The following DENND2C variants were observed in gnomAD, a reference collection of about 807,000 sequenced individuals.
The protein encoded by DENND2C is DENN domain-containing protein 2C.
In DENND2C, 72 loss-of-function variants were observed where a neutral mutation model predicts 112.4. The observed-to-expected ratio is 0.64, with a 90% CI of 0.53 to 0.78. DENND2C has a LOEUF of 0.78. DENND2C is among the 30% of genes least tolerant of loss of function. The pLI is 0.00. For missense variants in DENND2C, 992 were observed against 1,113.8 expected (o/e 0.89, Z 1.56); for synonymous variants, 329 against 381.6 (o/e 0.86, Z 1.61).
intron 15 of DENND2C, 61 bp downstream of exon 15, chr1:114,600,143 T>C: frequency 6.4e-7 from 1 of 1,552,380 alleles, no homozygotes; most frequent in East Asian, 2.3e-5. Flanking sequence ...AATGCCCCAA[T>C]TTTAAAATTT....
intron 3 of DENND2C, among the ~76,000 whole-genome samples, chr1:114,642,856 T>C (rs982630460): frequency 2.0e-5 from 3 of 152,238 alleles, no homozygotes; most frequent in African/African-American, 7.2e-5. Context: ...ACAGGTACTA[T>C]AAATTTCTCT....
rs751285039 is a variant in DENND2C at position 114,599,266 on chromosome 1, T to C, written c.2283+8A>G. 5 of 1,590,120 alleles carry C rather than the reference T, an allele frequency of 3.1e-6. No homozygotes were observed. The South Asian group carries it at 5.8e-5, about 18-fold the overall frequency. On this transcript the variant is annotated splice_region_variant and intron_variant, in intron 16 of 20. Coordinates refer to ENST00000393274, the MANE Select transcript of DENND2C (RefSeq NM_001256404.2). ...GCTCCAATATTAGGTTCCATTCTTC[T>C]ATCTCACCTCTTCAATGGGTAGGTC... is the stretch of plus-strand genomic sequence containing the variant.
At chr1:114,644,601 T>C (rs1252172940) in intron 3 of DENND2C, among the ~76,000 whole-genome samples, 2 of 152,144 alleles carry the variant, frequency 1.3e-5, no homozygotes, top group Non-Finnish European at 2.9e-5. Flanking sequence ...TTTAAATAAT[T>C]CACACCACAA....
At chr1:114,638,373 G>C (rs142554549) in intron 3 of DENND2C, among the ~76,000 whole-genome samples, 2 of 152,100 alleles carry the variant, frequency 1.3e-5, no homozygotes, top group Non-Finnish European at 2.9e-5. Context: ...AGATGTCTTA[G>C]GACACAAAAC....
chr1:114,615,064 T>C lies in DENND2C; in HGVS notation c.1324+3322A>G, dbSNP rs1024910977. Among the ~76,000 whole-genome samples, 6 of 152,022 alleles carry C rather than the reference T, an allele frequency of 3.9e-5. No homozygotes were observed. In the South Asian group the frequency reaches 1.2e-3, roughly 32 times the overall value. Reference sequence around the variant, plus strand: ...AGTTATGAATAGACTGCTGTTAATCTGAGAAAATGTTAATGTTTTACAAGC... The same window carrying C: ...AGTTATGAATAGACTGCTGTTAATCCGAGAAAATGTTAATGTTTTACAAGC... On this transcript the variant is annotated intron_variant, in intron 8 of 20. Transcript: ENST00000393274.
chr1:114,618,558 G>A, intron 7 of DENND2C, 76 bp from the exon 8 acceptor site: 1 of 819,950 alleles, frequency 1.2e-6, no homozygotes, highest in Non-Finnish European at 1.8e-6. Context: ...TAATCTATTA[G>A]GGATTCTTAT....
Position 114,583,794 on chromosome 1 carries a change from C to G in DENND2C, c.*1806G>C, listed in dbSNP as rs60576253. On this transcript the variant is annotated 3_prime_UTR_variant, in exon 21 of 21. Transcript: ENST00000393274. ...TGCACTCCAGCCTGGGCAAAAAGAG[C>G]GAAACTCCATCTCAAAAAAAAAAAA... 2.5e-5 allele frequency: 3 copies of G among 120,340 alleles called. No homozygotes were observed. The highest frequency in any genetic ancestry group is 5.1e-5 in the Non-Finnish European group (3 of 59,316). The allele number at this position is 120,340 out of a possible 1,614,324, so 7.5% of individuals were successfully genotyped here. A position where few individuals can be genotyped will look rare whatever the true frequency, so the allele number is the denominator to read the frequency against.
chr1:114,622,800 A>C (rs1421326466), intron 6 of DENND2C, among the ~76,000 whole-genome samples, 187 bp downstream of exon 6: 3 of 151,156 alleles, frequency 2.0e-5, no homozygotes, highest in East Asian at 1.9e-4. Flanking sequence ...TTAAAACAAC[A>C]ACCAAAAAAA....
chr1:114,669,826 G>C (rs1006546071), intron 1 of DENND2C, among the ~76,000 whole-genome samples, 157 bp downstream of exon 1: 15 of 152,016 alleles, frequency 9.9e-5, no homozygotes, highest in Non-Finnish European at 1.8e-4. Flanking sequence ...AGCGGGGCGC[G>C]GAGACACCAC....
intron 16 of DENND2C, among the ~76,000 whole-genome samples, chr1:114,597,423 G>A (rs1222281428): frequency 2.0e-5 from 3 of 148,412 alleles, no homozygotes; most frequent in Admixed American, 6.7e-5. Flanking sequence ...CAGCCTGGGG[G>A]ACAAGAGTGA....
At chr1:114,663,740 T>A (rs1013215752) in intron 1 of DENND2C, among the ~76,000 whole-genome samples, 1 of 152,208 alleles carries the variant, frequency 6.6e-6, no homozygotes, top group Non-Finnish European at 1.5e-5. Flanking sequence ...GAAAATTATA[T>A]GAAATTCAAA....
chr1:114,663,134 T>C (rs1395999004), intron 1 of DENND2C, among the ~76,000 whole-genome samples: 3 of 152,216 alleles, frequency 2.0e-5, no homozygotes, highest in African/African-American at 7.2e-5. Flanking sequence ...AGTGAAGACA[T>C]TATCATGTTT....
rs1034714047 is a variant in DENND2C, at chr1:114,651,305, A to ACG, written c.-317+3198_-317+3199dup. On this transcript the variant is annotated intron_variant, in intron 2 of 20. Transcript: ENST00000393274. ...CACACACACACACACACACACACAC[A>ACG]CGCCAAGTATGAAACATGTGCCTGT... 6.0e-5 allele frequency among the ~76,000 whole-genome samples: 9 copies of ACG among 150,312 alleles called. No homozygotes were observed. In the South Asian group the frequency reaches 1.3e-3, roughly 21 times the overall value.
chr1:114,587,350 A>T (rs1260736840), intron 20 of DENND2C, 37 bp downstream of exon 20: 3 of 1,611,406 alleles, frequency 1.9e-6, no homozygotes, highest in Non-Finnish European at 2.5e-6. Flanking sequence ...CCTGGTCTTC[A>T]GCCACATTTA....
At position 114,623,624 on chromosome 1, in the gene DENND2C, C is replaced by A. The variant is rs1473297516; in HGVS notation, c.826G>T (p.Asp276Tyr). The A allele has an allele frequency of 1.9e-6, 3 of 1,596,158 alleles. No homozygotes were observed. Among genetic ancestry groups the A allele is most frequent in the Non-Finnish European group, 2.6e-6 (3 of 1,172,518 alleles). Reference protein sequence around the residue: ...RSKRKSFEFEDIQHFRNRNSQ... With the variant: ...RSKRKSFEFEYIQHFRNRNSQ... ...TTCCGATTTCGAAAGTGCTGAATAT[C>A]CTCAAATTCAAAGGATTTCCTTAAA... Residue 276 changes from aspartate (D) to tyrosine (Y), a missense_variant, in exon 5 of 21, where the codon GAT (aspartate) becomes TAT (tyrosine). Asp to Tyr is a radical substitution (Grantham distance 160). Transcript: ENST00000393274.
At chr1:114,604,359 G>A (rs928379774) in intron 11 of DENND2C, among the ~76,000 whole-genome samples, 7 of 152,152 alleles carry the variant, frequency 4.6e-5, no homozygotes, top group Non-Finnish European at 8.8e-5. Flanking sequence ...GCAGAATTCA[G>A]AGATTATGAT....
intron 3 of DENND2C, among the ~76,000 whole-genome samples, chr1:114,630,788 C>G (rs1656468949): frequency 6.6e-6 from 1 of 152,172 alleles, no homozygotes; most frequent in South Asian, 2.1e-4. Context: ...CAACAAACAA[C>G]TAGTGGAGAA....
Position 114,623,031 on chromosome 1 carries a change from C to T in DENND2C, c.1012G>A (p.Ala338Thr). ...QPLPMWRSPS[A>T]WKLPPAKSAF... ...CTTTTAGCGGGTGGTAGCTTCCATG[C>T]TGAAGGGGATCTCCACATAGGTAAA... is the stretch of plus-strand genomic sequence containing the variant. The change falls in exon 6 of 21, where the codon GCA becomes ACA. Residue 338 changes from alanine (A) to threonine (T), a missense_variant. Physicochemically the swap from Ala to Thr is moderately conservative, Grantham distance 58. Around this residue, in one of 3 missense-constraint regions of DENND2C, gnomAD observed 470 missense variants for 472.7 expected, o/e 0.99. Coordinates refer to ENST00000393274, the MANE Select transcript of DENND2C (RefSeq NM_001256404.2). 1 of 1,613,398 alleles carries T rather than the reference C, an allele frequency of 6.2e-7. No individual in the cohort carries two copies. The highest frequency in any genetic ancestry group is 8.5e-7 in the Non-Finnish European group (1 of 1,179,678).
In DENND2C at chr1:114,625,493, CA is replaced by C; in HGVS notation, c.491del (p.Leu164TrpfsTer3). On this transcript the variant is annotated frameshift_variant, in exon 4 of 21. Coordinates refer to ENST00000393274, the MANE Select transcript of DENND2C (RefSeq NM_001256404.2). LOFTEE classifies it high-confidence loss of function. ...CTGAAGAGTCACAATGTTCTAAAGC[CA>C]AATTTAAGAGTTTATCTGGGGGAAG... Reference protein sequence around the residue: ...EALPPDKLLNLALEHCDSSEK... With the variant: ...EALPPDKLLNXALEHCDSSEK... 4 of 1,614,074 alleles carry C rather than the reference CA, an allele frequency of 2.5e-6. No homozygotes were observed. The highest frequency in any genetic ancestry group is 3.4e-6 in the Non-Finnish European group (4 of 1,180,012).
Sources: allele counts gnomAD v4.1 joint callset (sites outside exome capture counted in the v4.1 genomes callset), GRCh38; gene constraint gnomAD v4.1.1; regional missense constraint gnomAD v4.1.1; transcripts MANE v1.5; gene names NCBI Gene and HGNC (gene_info 2026-07-23, HGNC 2026-07-21).